The following OC90 variants were observed in gnomAD, a reference collection of about 807,000 sequenced individuals.
The protein encoded by OC90 is otoconin 90.
In OC90, 46 loss-of-function variants were observed where a neutral mutation model predicts 47.3. The observed-to-expected ratio is 0.97, with a 90% CI of 0.77 to 1.24. The LOEUF is 1.24. Ranked by LOEUF, OC90 falls within the 50% of genes most tolerant of loss-of-function variation. The probability of loss-of-function intolerance (pLI) is 0.00; values close to 1 mark genes in which losing one functional copy is unlikely to be tolerated. For synonymous variants in OC90, 271 were observed against 219.5 expected (o/e 1.23, Z -2.07); for missense variants, 688 against 583.9 (o/e 1.18, Z -1.84).
chr8:132,031,617 G>T (rs1379830422), intron 12 of OC90, among the ~76,000 whole-genome samples: 1 of 152,154 alleles, frequency 6.6e-6, no homozygotes, highest in Admixed American at 6.5e-5. Flanking sequence ...AGGGCTCTAG[G>T]CCCCCAGATC....
chr8:132,044,307 T>C (rs558040655), intron 4 of OC90, 126 bp downstream of exon 4: 10 of 645,930 alleles, frequency 1.5e-5, no homozygotes, highest in African/African-American at 9.2e-5. Flanking sequence ...GGTCTCCTTG[T>C]TGGGAGGTAG....
rs760286029 is a variant in OC90, at chr8:132,041,649, G to A, written c.220C>T (p.Pro74Ser). 1.9e-6 allele frequency: 3 copies of A among 1,609,132 alleles called. No homozygotes were observed. In the South Asian group the frequency reaches 3.3e-5, roughly 18 times the overall value. The part of the protein sequence containing the change: ...TWLQAVFTNF[P>S]VLIQFVNGMK... ...CCATTGACAAACTGGATCAGCACAGGGAAATTGGTGAAGACAGCCTGCAGC... is the reference window on the plus strand; with the variant it reads ...CCATTGACAAACTGGATCAGCACAGAGAAATTGGTGAAGACAGCCTGCAGC... The change falls in exon 5 of 14, where the codon CCT (proline) becomes TCT (serine). Residue 74 changes from proline to serine, a missense_variant. Pro to Ser is a moderately conservative substitution (Grantham distance 74). Coordinates refer to ENST00000254627, the MANE Select transcript of OC90 (RefSeq NM_001080399.3).
intron 11 of OC90, among the ~76,000 whole-genome samples, chr8:132,032,303 T>C (rs1249748125): frequency 6.6e-6 from 1 of 152,144 alleles, no homozygotes; most frequent in Non-Finnish European, 1.5e-5. Flanking sequence ...CCTTATTAAA[T>C]CCCCTTAAGG....
At chr8:132,028,635 A>G (rs1231779848) in intron 13 of OC90, among the ~76,000 whole-genome samples, 12 of 101,366 alleles carry the variant, frequency 1.2e-4, no homozygotes, top group East Asian at 3.7e-4. Context: ...GGAAGGAAGG[A>G]AAGAAAGGAA....
intron 2 of OC90, among the ~76,000 whole-genome samples, chr8:132,046,706 G>A (rs1047919026): frequency 9.9e-5 from 15 of 152,200 alleles, no homozygotes; most frequent in African/African-American, 3.4e-4. Flanking sequence ...TATAAAGCTT[G>A]TAAGTAGTTG....
chr8:132,037,000 G>A (rs1444621851), intron 9 of OC90, among the ~76,000 whole-genome samples: 2 of 152,208 alleles, frequency 1.3e-5, no homozygotes, highest in African/African-American at 2.4e-5. Flanking sequence ...TAAAGGATAG[G>A]TGTAATCATC....
Position 132,045,744 on chromosome 8 carries a change from A to T in OC90, c.112+74T>A, listed in dbSNP as rs182941783. The T allele has an allele frequency of 2.1e-4, 174 of 840,172 alleles. 1 individual carries two copies. The African/African-American group carries it at 2.7e-3, about 13-fold the overall frequency. The allele number at this position is 840,172 out of a possible 1,614,324, so 52.0% of individuals were successfully genotyped here. A position where few individuals can be genotyped will look rare whatever the true frequency, so the allele number is the denominator to read the frequency against. On this transcript the variant is annotated intron_variant, in intron 3 of 13. Transcript: ENST00000254627. ...TGAGTGGCTCTAGGGTGTATTCAGA[A>T]GGGATCATTTTCTCTGCCAATATCC...
chr8:132,048,103 T>C (rs1373376670), intron 2 of OC90, among the ~76,000 whole-genome samples: 1 of 152,234 alleles, frequency 6.6e-6, no homozygotes, highest in Non-Finnish European at 1.5e-5. Flanking sequence ...CACTGAATCA[T>C]CTGGTGCCTC....
chr8:132,040,411 C>T (rs964669193), intron 6 of OC90, among the ~76,000 whole-genome samples: 2 of 152,172 alleles, frequency 1.3e-5, no homozygotes. Context: ...TGTGTTCTGT[C>T]TTCCCTTCAT....
chr8:132,028,563 A>AAAGAAAGAAAGGAAGG (rs1354516292), intron 13 of OC90, among the ~76,000 whole-genome samples: 205 of 31,208 alleles, frequency 6.6e-3, no homozygotes, highest in South Asian at 0.012. Flanking sequence ...AGAAAGAAAG[A>AAAGAAAGAAAGGAAGG]AAGGAAGGAA....
rs757776075 is a variant in OC90 at position 132,041,701 on chromosome 8, TGTGGGG to T, written c.170-8_170-3del. 5.9e-6 allele frequency: 6 copies of T among 1,023,140 alleles called. No homozygotes were observed. Among genetic ancestry groups the T allele is most frequent in the South Asian group, 5.6e-5 (4 of 71,056 alleles). The allele number at this position is 1,023,140 out of a possible 1,614,324, so 63.4% of individuals were successfully genotyped here. On this transcript the variant is annotated splice_region_variant and splice_polypyrimidine_tract_variant and intron_variant, in intron 4 of 13. Coordinates refer to ENST00000254627, the MANE Select transcript of OC90 (RefSeq NM_001080399.3). ...AGGTGAAGTGGGGGCCCAGGCAATCTGTGGGGGTGGGGGGCAGGGCCTGATAAGCAC... is the reference window on the plus strand; with the variant it reads ...AGGTGAAGTGGGGGCCCAGGCAATCTGTGGGGGGCAGGGCCTGATAAGCAC...
chr8:132,041,211 G>T, intron 5 of OC90, 55 bp from the exon 6 acceptor site: 1 of 1,068,152 alleles, frequency 9.4e-7, no homozygotes, highest in Non-Finnish European at 1.5e-6. Flanking sequence ...GTGAGGGAGG[G>T]CAGGCAGCTC....
chr8:132,024,520 T>A lies in OC90; in HGVS notation c.1395A>T (p.Ser465=), dbSNP rs1172354012. The A allele has an allele frequency of 1.9e-6, 3 of 1,589,260 alleles. No homozygotes were observed. Among genetic ancestry groups the A allele is most frequent in the Non-Finnish European group, 2.6e-6 (3 of 1,164,486 alleles). ...LGRAKRFLRK[S]LGPLGIGPLH... is the part of the protein sequence containing the mutation. ...GAGGCCCGATCCCCAAGGGACCCAG[T>A]GACTTCCGCAGAAACCTCTTGGCTC... is the stretch of plus-strand genomic sequence containing the variant. Residue 465 remains serine (S), a synonymous_variant, in exon 14 of 14, where the codon TCA becomes TCT. Coordinates refer to ENST00000254627, the MANE Select transcript of OC90 (RefSeq NM_001080399.3).
rs749948045 is a variant in OC90 at position 132,024,446 on chromosome 8, C to T, written c.*35G>A. ...AGAGCTGAAGGTGGAGCAGGAGCCA[C>T]GCTACTGAAGGTGTTAGCCATTTTC... On this transcript the variant is annotated 3_prime_UTR_variant, in exon 14 of 14. Coordinates refer to ENST00000254627, the MANE Select transcript of OC90 (RefSeq NM_001080399.3). The T allele has an allele frequency of 3.5e-5, 51 of 1,465,118 alleles. No homozygotes were observed. In the East Asian group the frequency reaches 6.4e-4, roughly 18 times the overall value. 90.8% of individuals were successfully genotyped at this position (1,465,118 alleles called of 1,614,324 possible). A position where few individuals can be genotyped will look rare whatever the true frequency, so the allele number is the denominator to read the frequency against.
intron 13 of OC90, among the ~76,000 whole-genome samples, chr8:132,025,425 C>T (rs1822742348): frequency 1.3e-5 from 2 of 152,136 alleles, no homozygotes; most frequent in South Asian, 4.1e-4. Flanking sequence ...AGCATTTGAC[C>T]CATCTATTCC....
At chr8:132,040,541 G>A (rs1441709604) in intron 6 of OC90, among the ~76,000 whole-genome samples, 1 of 152,060 alleles carries the variant, frequency 6.6e-6, no homozygotes, top group Non-Finnish European at 1.5e-5. Context: ...ATTCTTACTG[G>A]CAACCACCAC....
chr8:132,039,143 A>G lies in OC90; in HGVS notation c.458-20T>C, dbSNP rs1442980751. On this transcript the variant is annotated intron_variant, in intron 6 of 13. Coordinates refer to ENST00000254627, the MANE Select transcript of OC90 (RefSeq NM_001080399.3). ...TGGACTCTGCACACAGCAAGAGCAT[A>G]GCCAATTGGAAAGATCTCAGCTGGA... The G allele has an allele frequency of 3.8e-6, 6 of 1,582,666 alleles. No homozygotes were observed. In the African/African-American group the frequency reaches 5.4e-5, roughly 14 times the overall value.
rs1169647087 is a variant in OC90 at position 132,029,056 on chromosome 8, C to G, written c.1138+17G>C. 1.3e-6 allele frequency: 2 copies of G among 1,566,464 alleles called. No individual in the cohort carries two copies. The highest frequency in any genetic ancestry group is 3.3e-5 in the Admixed American group (2 of 59,986). On this transcript the variant is annotated intron_variant, in intron 13 of 13. Coordinates refer to ENST00000254627, the MANE Select transcript of OC90 (RefSeq NM_001080399.3). ...CTCAATGAAATAATAACTCAATGTG[C>G]AACCAACAGCACTTACACTTGGGCG...
chr8:132,028,690 AAGAAAGAAAGAGAGAC>A (rs1822816059), intron 13 of OC90, among the ~76,000 whole-genome samples: 1 of 131,668 alleles, frequency 7.6e-6, no homozygotes, highest in African/African-American at 2.8e-5. Context: ...AAGAAAGAGA[AAGAAAGAAAGAGAGAC>A]AGAAAGAAAG....
Sources: allele counts gnomAD v4.1 joint callset (sites outside exome capture counted in the v4.1 genomes callset), GRCh38; gene constraint gnomAD v4.1.1; transcripts MANE v1.5; gene names NCBI Gene and HGNC (gene_info 2026-07-23, HGNC 2026-07-21).